ABCA13: variants seen among roughly 807,000 people sequenced by gnomAD.
ABCA13 encodes the protein ATP binding cassette subfamily A member 13, also known as ATP-binding cassette sub-family A member 13.
Under a neutral mutation model 478.7 loss-of-function variants are expected in ABCA13, and 476 were observed. That is an observed-to-expected ratio of 0.99 (90% CI 0.92 to 1.07). The LOEUF (loss-of-function observed/expected upper bound fraction) is 1.07. Among genes scored for constraint, ABCA13 ranks in the 50% least tolerant of loss-of-function variants. ABCA13 has a pLI of 0.00. For missense variants in ABCA13, 6,060 were observed against 5,910.6 expected, an observed-to-expected ratio of 1.03 and a Z score of -0.83; for synonymous variants, 2,252 against 2,158.9, an observed-to-expected ratio of 1.04 and a Z score of -1.20.
intron 38 of ABCA13, among the ~76,000 whole-genome samples, chr7:48,402,927 G>A (rs1008453472): frequency 2.6e-5 from 4 of 152,210 alleles, no homozygotes; most frequent in African/African-American, 9.6e-5. Context: ...AACTGGGTTT[G>A]TAACAATGAG....
rs12666391 is a variant in ABCA13 at position 48,460,877 on chromosome 7, A to G, written c.12815+5591A>G. Among the ~76,000 whole-genome samples, 69 of 152,336 alleles carry G rather than the reference A, an allele frequency of 4.5e-4. No individual in the cohort carries two copies. In the East Asian group the frequency reaches 0.012, roughly 26 times the overall value. On this transcript the variant is annotated intron_variant, in intron 43 of 61. Transcript: ENST00000435803. ...TCAAAAACATCCACCAGGTTTTGCA[A>G]AATGGTCACCGGGATGTGATAAATG...
At chr7:48,214,846 T>A (rs1223787199) in intron 3 of ABCA13, among the ~76,000 whole-genome samples, 1 of 152,222 alleles carries the variant, frequency 6.6e-6, no homozygotes, top group African/African-American at 2.4e-5. Flanking sequence ...ATCACTTTCT[T>A]ATCATTTGTG....
At chr7:48,622,750 T>G (rs1793265724) in intron 59 of ABCA13, among the ~76,000 whole-genome samples, 1 of 152,214 alleles carries the variant, frequency 6.6e-6, no homozygotes, top group Admixed American at 6.5e-5. Flanking sequence ...GCTTACTGTA[T>G]GCCAGCTGTA....
At chr7:48,205,106 T>C (rs867921221) in intron 3 of ABCA13, among the ~76,000 whole-genome samples, 2 of 152,374 alleles carry the variant, frequency 1.3e-5, no homozygotes, top group South Asian at 2.1e-4. Context: ...TGCTTTTTGC[T>C]AGGTTTTTAT....
chr7:48,623,740 C>T (rs530138383), intron 59 of ABCA13, among the ~76,000 whole-genome samples: 53 of 152,234 alleles, frequency 3.5e-4, no homozygotes, highest in Non-Finnish European at 5.9e-4. Context: ...AGAGTCCCAC[C>T]CAGCAACTTG....
Position 48,587,561 on chromosome 7 carries a change from G to A in ABCA13, c.14640+273G>A, listed in dbSNP as rs183652015. Among the ~76,000 whole-genome samples the A allele has an allele frequency of 2.9e-3, 447 of 152,208 alleles. 4 individuals carry two copies. The highest frequency in any genetic ancestry group is 1.0e-2 in the African/African-American group (415 of 41,524). ...AAAACAGTGTTTTAAAAGATTATTA[G>A]AATTCATCTGTAATCTGAAAACCAA... On this transcript the variant is annotated intron_variant, in intron 57 of 61. Coordinates refer to ENST00000435803, the MANE Select transcript of ABCA13 (RefSeq NM_152701.5).
At chr7:48,524,682 A>T (rs1057273703) in intron 54 of ABCA13, among the ~76,000 whole-genome samples, 1 of 152,098 alleles carries the variant, frequency 6.6e-6, no homozygotes, top group Non-Finnish European at 1.5e-5. Flanking sequence ...ATTTCATGTG[A>T]TTGCATAGTT....
intron 45 of ABCA13, among the ~76,000 whole-genome samples, chr7:48,475,811 CA>C (rs1325646819): frequency 1.3e-5 from 2 of 152,036 alleles, no homozygotes; most frequent in African/African-American, 4.8e-5. Context: ...TCCAAACCTA[CA>C]AAAAGGTTCC....
chr7:48,467,043 C>T lies in ABCA13; in HGVS notation c.12903C>T (p.Arg4301=). The T allele has an allele frequency of 6.2e-7, 1 of 1,613,856 alleles. No individual in the cohort carries two copies. The highest frequency in any genetic ancestry group is 8.5e-7 in the Non-Finnish European group (1 of 1,179,792). The change falls in exon 44 of 62, where the codon CGC becomes CGT. Residue 4301 remains arginine (R), a splice_region_variant and synonymous_variant. Transcript: ENST00000435803. ...TGCCCTGTGCAGATTTAAACCCACGCCAGTAAGTGTCAGGTGCTCTCTGCA... is the reference window on the plus strand; with the variant it reads ...TGCCCTGTGCAGATTTAAACCCACGTCAGTAAGTGTCAGGTGCTCTCTGCA... ...QDLPCADLNP[R]QKNSSCWRTD...
intron 15 of ABCA13, among the ~76,000 whole-genome samples, chr7:48,254,283 AG>A (rs113751869): frequency 3.9e-5 from 6 of 151,930 alleles, no homozygotes; most frequent in African/African-American, 1.4e-4. Flanking sequence ...TTCTTTTAAG[AG>A]GTAGAGTCTC....
At chr7:48,519,083 C>G (rs1396382516) in intron 52 of ABCA13, among the ~76,000 whole-genome samples, 2 of 152,028 alleles carry the variant, frequency 1.3e-5, no homozygotes, top group Non-Finnish European at 1.5e-5. Context: ...TCTGTTCCTA[C>G]ATTAGTTTTC....
intron 55 of ABCA13, among the ~76,000 whole-genome samples, chr7:48,565,719 G>A (rs1418137278): frequency 2.0e-5 from 3 of 152,186 alleles, no homozygotes. Flanking sequence ...AAATCAGCAT[G>A]AGAGCATCGT....
At chr7:48,484,942 G>T (rs1022049499) in intron 47 of ABCA13, among the ~76,000 whole-genome samples, 1 of 152,134 alleles carries the variant, frequency 6.6e-6, no homozygotes. Flanking sequence ...CAGCCCTTAG[G>T]CTACATTCAT....
chr7:48,270,454 G>T (rs551829147), intron 16 of ABCA13, among the ~76,000 whole-genome samples: 1 of 152,170 alleles, frequency 6.6e-6, no homozygotes, highest in African/African-American at 2.4e-5. Flanking sequence ...AACCCTCTCA[G>T]TTCCCAATAC....
At chr7:48,276,724 C>T (rs1377180183) in intron 17 of ABCA13, among the ~76,000 whole-genome samples, 159 bp downstream of exon 17, 1 of 151,966 alleles carries the variant, frequency 6.6e-6, no homozygotes, top group Non-Finnish European at 1.5e-5. Flanking sequence ...ATCAAAATGT[C>T]AAGGTAAAAG....
At chr7:48,366,669 G>C (rs1811722842) in intron 31 of ABCA13, among the ~76,000 whole-genome samples, 2 of 152,032 alleles carry the variant, frequency 1.3e-5, no homozygotes, top group Non-Finnish European at 2.9e-5. Context: ...CTTCATAACA[G>C]CCAGCTATCT....
intron 45 of ABCA13, 50 bp downstream of exon 45, chr7:48,471,649 C>G (rs1333527196): frequency 2.7e-6 from 4 of 1,473,568 alleles, no homozygotes; most frequent in Non-Finnish European, 3.7e-6. Context: ...ATTCAAGTGA[C>G]AAAAATGAGT....
chr7:48,195,509 C>A (rs145611619), intron 2 of ABCA13, among the ~76,000 whole-genome samples: 1 of 152,160 alleles, frequency 6.6e-6, no homozygotes, highest in South Asian at 2.1e-4. Flanking sequence ...GACAGGGAGG[C>A]CTTTGACTGG....
At chr7:48,195,306 G>A (rs777824702) in intron 2 of ABCA13, among the ~76,000 whole-genome samples, 75 of 152,206 alleles carry the variant, frequency 4.9e-4, no homozygotes, top group Non-Finnish European at 9.6e-4. Flanking sequence ...GCATTTAGGG[G>A]TCACATTCTG....
Sources: gnomAD v4.1 joint callset for allele counts (sites outside exome capture counted in the v4.1 genomes callset) on GRCh38, gnomAD v4.1.1 for gene constraint, MANE v1.5 for transcripts, NCBI Gene and HGNC (gene_info 2026-07-23, HGNC 2026-07-21) for gene names.